Variants in STK10 observed in about 807,000 individuals in gnomAD.
STK10 encodes the protein serine/threonine-protein kinase 10.
STK10 carries 78 observed loss-of-function variants against 113.8 expected under a neutral mutation model. That is an observed-to-expected ratio of 0.69 (90% CI 0.57 to 0.83). STK10 has a LOEUF of 0.83. STK10 is among the 40% of genes least tolerant of loss of function. STK10 has a pLI of 0.00. For missense variants in STK10, 1,109 were observed against 1,280.1 expected (o/e 0.87, Z 2.04); for synonymous variants, 465 against 494.7 (o/e 0.94, Z 0.80).
intron 12 of STK10, among the ~76,000 whole-genome samples, chr5:172,070,126 T>A (rs1768144102): frequency 6.6e-6 from 1 of 152,032 alleles, no homozygotes; most frequent in Non-Finnish European, 1.5e-5. Context: ...CATGTGCCTG[T>A]AATCCCAGCT....
In STK10 at chr5:172,127,582, C is replaced by A. The variant is rs187751705; in HGVS notation, c.322-161G>T. 1.9e-3 allele frequency among the ~76,000 whole-genome samples: 282 copies of A among 152,344 alleles called. 1 individual carries two copies. The highest frequency in any genetic ancestry group is 5.9e-3 in the African/African-American group (246 of 41,584). ...TGCCTTGGGAGCCCGTCCCCCTCCC[C>A]CAGTGGGCCTCAAACCTCACTGGAG... On this transcript the variant is annotated intron_variant, in intron 2 of 18. Transcript: ENST00000176763.
chr5:172,090,213 T>G lies in STK10; in HGVS notation c.1685+19A>C. 1.2e-6 allele frequency: 2 copies of G among 1,613,364 alleles called. No homozygotes were observed. The highest frequency in any genetic ancestry group is 1.7e-6 in the Non-Finnish European group (2 of 1,179,674). On this transcript the variant is annotated intron_variant, in intron 10 of 18. Transcript: ENST00000176763. ...AGCCCCACCCTGTTACCACCATTGG[T>G]GGCCCTTCCCAGGCTTGCCTGAGAA...
rs773604335 is a variant in STK10 at position 172,090,330 on chromosome 5, C to A, written c.1587G>T (p.Arg529=). 6.2e-7 allele frequency: 1 copy of A among 1,613,980 alleles called. No individual in the cohort carries two copies. Among genetic ancestry groups the A allele is most frequent in the Non-Finnish European group, 8.5e-7 (1 of 1,179,960 alleles). ...DPKLYKKTLK[R]TRKFVVDGVE... ...CACCATCCACCACAAATTTGCGTGT[C>A]CGCTTGAGGGTTTTTTTGTACAGTT... Residue 529 remains arginine (R), a synonymous_variant, in exon 10 of 19, where the codon CGG becomes CGT. Coordinates refer to ENST00000176763, the MANE Select transcript of STK10 (RefSeq NM_005990.4).
intron 2 of STK10, among the ~76,000 whole-genome samples, chr5:172,130,815 C>T (rs1023578092): frequency 1.3e-5 from 2 of 152,124 alleles, no homozygotes; most frequent in Admixed American, 1.3e-4. Flanking sequence ...AAAAGCCACA[C>T]AGTTAATATG....
intron 1 of STK10, among the ~76,000 whole-genome samples, chr5:172,179,824 A>G (rs1233032664): frequency 6.6e-6 from 1 of 152,222 alleles, no homozygotes; most frequent in Non-Finnish European, 1.5e-5. Context: ...TGGAAACCCA[A>G]GCTTTCAAAC....
chr5:172,082,839 A>G lies in STK10; in HGVS notation c.1809+122T>C. On this transcript the variant is annotated intron_variant, in intron 11 of 18. Coordinates refer to ENST00000176763, the MANE Select transcript of STK10 (RefSeq NM_005990.4). The surrounding 1 kb of genome is among the most constrained non-coding windows in gnomAD (Gnocchi z 4.3). ...TGCCTAACAAGATCGGGAAGCCCCCAGGAATTGGGCAATTGTTGTGAATTA... is the reference window on the plus strand; with the variant it reads ...TGCCTAACAAGATCGGGAAGCCCCCGGGAATTGGGCAATTGTTGTGAATTA... The G allele has an allele frequency of 2.7e-6, 4 of 1,459,768 alleles. No homozygotes were observed. The highest frequency in any genetic ancestry group is 3.7e-6 in the Non-Finnish European group (4 of 1,087,194). The allele number at this position is 1,459,768 out of a possible 1,614,324, so 90.4% of individuals were successfully genotyped here. A position where few individuals can be genotyped will look rare whatever the true frequency, so the allele number is the denominator to read the frequency against.
chr5:172,119,544 AGCTAT>A (rs897278314), intron 3 of STK10, among the ~76,000 whole-genome samples: 29 of 152,054 alleles, frequency 1.9e-4, no homozygotes, highest in African/African-American at 7.0e-4. Flanking sequence ...AGCGAGACCC[AGCTAT>A]GCTTGTAGCA....
At chr5:172,176,999 C>T (rs1050109371) in intron 1 of STK10, among the ~76,000 whole-genome samples, 52 of 152,202 alleles carry the variant, frequency 3.4e-4, no homozygotes, top group Admixed American at 2.0e-3. Flanking sequence ...CATGGTAAAA[C>T]GCCATCTCTA....
At chr5:172,062,576 G>A (rs1349619211) in intron 13 of STK10, among the ~76,000 whole-genome samples, 2 of 152,220 alleles carry the variant, frequency 1.3e-5, no homozygotes, top group Non-Finnish European at 2.9e-5. Context: ...TAAAAAGGAA[G>A]GAAATTCTGA....
chr5:172,149,003 C>A (rs1446464753), intron 2 of STK10, among the ~76,000 whole-genome samples: 1 of 152,124 alleles, frequency 6.6e-6, no homozygotes, highest in Non-Finnish European at 1.5e-5. Context: ...CCTGTCTCTA[C>A]AAAAAATACA....
chr5:172,119,647 G>A (rs917448919), intron 3 of STK10, among the ~76,000 whole-genome samples: 9 of 151,842 alleles, frequency 5.9e-5, no homozygotes, highest in Non-Finnish European at 1.2e-4. Context: ...GGAGGATCAC[G>A]AGGTCAGGAG....
intron 6 of STK10, among the ~76,000 whole-genome samples, chr5:172,106,414 A>AAAAAAAAAAAAAAAAAAAAAAAAAC (rs1769109658): frequency 6.9e-6 from 1 of 145,352 alleles, no homozygotes; most frequent in Non-Finnish European, 1.5e-5. Context: ...AAAAAAAAAA[A>AAAAAAAAAAAAAAAAAAAAAAAAAC]AAAAGGAACA....
At chr5:172,085,472 T>G (rs938043485) in intron 10 of STK10, among the ~76,000 whole-genome samples, 2 of 151,920 alleles carry the variant, frequency 1.3e-5, no homozygotes, top group African/African-American at 2.4e-5. Context: ...GCGGATCACT[T>G]GAGGTCAGGA....
intron 17 of STK10, chr5:172,053,277 T>C (rs1767672284): frequency 2.2e-6 from 1 of 454,916 alleles, no homozygotes; most frequent in Non-Finnish European, 4.0e-6. Flanking sequence ...TGGGGAGGTA[T>C]AGTAAATTTG....
intron 8 of STK10, 117 bp downstream of exon 8, chr5:172,096,309 C>T: frequency 2.7e-6 from 4 of 1,500,194 alleles, no homozygotes; most frequent in Non-Finnish European, 2.7e-6. Flanking sequence ...AACCTCTGAG[C>T]TGGCAATAAA....
chr5:172,081,806 C>T (rs920237721), intron 12 of STK10, among the ~76,000 whole-genome samples: 1 of 152,198 alleles, frequency 6.6e-6, no homozygotes, highest in Non-Finnish European at 1.5e-5. Flanking sequence ...GAGGCATGGG[C>T]TGTTCTTTGA....
rs1196325126 is a variant in STK10, at chr5:172,156,618, C to G, written c.321+6G>C. ...TGAGCTGGGACAGACAGGGCGGCAGCCTTACCCACAGCTTCCCGTCGTGAT... is the reference window on the plus strand; with the variant it reads ...TGAGCTGGGACAGACAGGGCGGCAGGCTTACCCACAGCTTCCCGTCGTGAT... On this transcript the variant is annotated splice_donor_region_variant and intron_variant, in intron 2 of 18. Transcript: ENST00000176763. 6.8e-6 allele frequency: 11 copies of G among 1,611,862 alleles called. No homozygotes were observed. The South Asian group carries it at 1.1e-4, about 16-fold the overall frequency.
intron 1 of STK10, among the ~76,000 whole-genome samples, chr5:172,164,321 T>C (rs1469794863): frequency 6.6e-6 from 1 of 151,886 alleles, no homozygotes; most frequent in Non-Finnish European, 1.5e-5. Context: ...TCTCCTTGAC[T>C]TCTAGCCTCC....
intron 2 of STK10, among the ~76,000 whole-genome samples, chr5:172,132,566 T>A (rs1227655698): frequency 6.6e-6 from 1 of 152,158 alleles, no homozygotes; most frequent in Non-Finnish European, 1.5e-5. Flanking sequence ...AAGTCCAAAG[T>A]GAAACCGCCC....
Sources: gnomAD v4.1 joint callset for allele counts (sites outside exome capture counted in the v4.1 genomes callset) on GRCh38, gnomAD v4.1.1 for gene constraint, Gnocchi (gnomAD v3.1) non-coding constraint, MANE v1.5 for transcripts, NCBI Gene and HGNC (gene_info 2026-07-23, HGNC 2026-07-21) for gene names.